Variants in DRC11 observed in about 807,000 individuals in gnomAD.
The protein encoded by DRC11 is IQ and AAA domain-containing protein 1.
chr2:236,416,915 A>T, the DRC11 span, among the ~76,000 whole-genome samples: 3 of 150,780 alleles, frequency 2.0e-5, no homozygotes, highest in Non-Finnish European at 3.0e-5. Context: ...CACCCAAAAC[A>T]ATGCCTGGCT....
the DRC11 span, among the ~76,000 whole-genome samples, chr2:236,309,443 T>G: frequency 1.3e-5 from 2 of 152,162 alleles, no homozygotes; most frequent in African/African-American, 4.8e-5. The surrounding 1 kb of genome is among the most constrained non-coding windows in gnomAD (Gnocchi z 5.7). Context: ...TCCTGTTTAC[T>G]CACAGGTGGT....
chr2:236,480,267 A>C, the DRC11 span, among the ~76,000 whole-genome samples: 7 of 151,900 alleles, frequency 4.6e-5, no homozygotes, highest in African/African-American at 1.5e-4. Flanking sequence ...CTATACTTGG[A>C]TATTTTTATC....
chr2:236,404,303 G>A, the DRC11 span, among the ~76,000 whole-genome samples: 13 of 152,062 alleles, frequency 8.5e-5, no homozygotes, highest in South Asian at 2.5e-3. Context: ...ATTGGGAGTC[G>A]TTTTTTCCTA....
At chr2:236,335,898 C>T in the DRC11 span, among the ~76,000 whole-genome samples, 27 of 149,522 alleles carry the variant, frequency 1.8e-4, no homozygotes, top group African/African-American at 5.2e-4. The surrounding 1 kb of genome is among the most constrained non-coding windows in gnomAD (Gnocchi z 5.6). Flanking sequence ...TCTCCTTTCT[C>T]GGCTGGACAG....
chr2:236,395,153 T>C, the DRC11 span, among the ~76,000 whole-genome samples: 3 of 151,946 alleles, frequency 2.0e-5, no homozygotes, highest in Non-Finnish European at 2.9e-5. Context: ...GGGGCTCAGA[T>C]GGGACTCTGA....
the DRC11 span, chr2:236,392,111 C>T: frequency 6.3e-7 from 1 of 1,589,332 alleles, no homozygotes; most frequent in Non-Finnish European, 8.6e-7. The surrounding 1 kb of genome is among the most constrained non-coding windows in gnomAD (Gnocchi z 5.1). Flanking sequence ...AGTCACTTTG[C>T]ATGTCTTGTG....
the DRC11 span, chr2:236,380,579 T>C: frequency 6.4e-6 from 10 of 1,551,500 alleles, no homozygotes; most frequent in East Asian, 2.2e-4. This position sits in a 1 kb window ranked among gnomAD's most constrained non-coding sequence, Gnocchi z 4.9. Flanking sequence ...CTGTCAGCTG[T>C]CAGATCTTTA....
chr2:236,445,514 A>AT, the DRC11 span, among the ~76,000 whole-genome samples: 1 of 145,992 alleles, frequency 6.8e-6, no homozygotes, highest in Admixed American at 6.8e-5. The surrounding 1 kb of genome is among the most constrained non-coding windows in gnomAD (Gnocchi z 4.8). Flanking sequence ...TTTTTTTTGT[A>AT]TTTTTTGTAG....
chr2:236,358,427 TATATC>T, the DRC11 span, among the ~76,000 whole-genome samples: 46 of 137,848 alleles, frequency 3.3e-4, 1 homozygote, highest in Non-Finnish European at 6.3e-4. Context: ...TATATGAATA[TATATC>T]ATATATAAAT....
At chr2:236,363,918 A>G in the DRC11 span, 2 of 1,614,012 alleles carry the variant, frequency 1.2e-6, no homozygotes, top group African/African-American at 2.7e-5. This position sits in a 1 kb window ranked among gnomAD's most constrained non-coding sequence, Gnocchi z 5.6. Flanking sequence ...TCCCTACCCC[A>G]GACGGCCCGG....
chr2:236,357,928 T>A, the DRC11 span, among the ~76,000 whole-genome samples: 1 of 86,252 alleles, frequency 1.2e-5, no homozygotes, highest in African/African-American at 4.6e-5. Flanking sequence ...CTATATAAAT[T>A]CATATATGAA....
chr2:236,331,788 C>T, the DRC11 span: 4 of 585,796 alleles, frequency 6.8e-6, no homozygotes, highest in Non-Finnish European at 6.1e-6. The surrounding 1 kb of genome is among the most constrained non-coding windows in gnomAD (Gnocchi z 4.8). Flanking sequence ...CAACCATAAG[C>T]CATACATATC....
the DRC11 span, among the ~76,000 whole-genome samples, chr2:236,443,196 G>C: frequency 6.6e-6 from 1 of 152,176 alleles, no homozygotes; most frequent in Non-Finnish European, 1.5e-5. The surrounding 1 kb of genome is among the most constrained non-coding windows in gnomAD (Gnocchi z 4.4). Flanking sequence ...ATAATTTTAA[G>C]TTGTGGGGTA....
the DRC11 span, among the ~76,000 whole-genome samples, chr2:236,380,106 C>T: frequency 6.6e-6 from 1 of 152,198 alleles, no homozygotes; most frequent in Non-Finnish European, 1.5e-5. This position sits in a 1 kb window ranked among gnomAD's most constrained non-coding sequence, Gnocchi z 4.9. Context: ...TGAATTCATT[C>T]GTCCTGCACT....
chr2:236,328,705 C>T, the DRC11 span, among the ~76,000 whole-genome samples: 1 of 152,102 alleles, frequency 6.6e-6, no homozygotes, highest in Non-Finnish European at 1.5e-5. The surrounding 1 kb of genome is among the most constrained non-coding windows in gnomAD (Gnocchi z 6.7). Context: ...GGTGAGGTGG[C>T]CATGTACTTA....
At chr2:236,381,886 C>T in the DRC11 span, among the ~76,000 whole-genome samples, 6 of 152,006 alleles carry the variant, frequency 3.9e-5, no homozygotes, top group Non-Finnish European at 8.8e-5. The surrounding 1 kb of genome is among the most constrained non-coding windows in gnomAD (Gnocchi z 5.8). Context: ...AGATCTTTGT[C>T]AGATATGTGG....
chr2:236,389,173 G>A, the DRC11 span, among the ~76,000 whole-genome samples: 14 of 152,346 alleles, frequency 9.2e-5, no homozygotes, highest in African/African-American at 2.6e-4. Flanking sequence ...GCCTCCTTGA[G>A]CTGTGGTGGG....
At chr2:236,318,097 C>G in the DRC11 span, among the ~76,000 whole-genome samples, 8 of 152,348 alleles carry the variant, frequency 5.3e-5, no homozygotes, top group South Asian at 1.7e-3. The surrounding 1 kb of genome is among the most constrained non-coding windows in gnomAD (Gnocchi z 7.0). Context: ...CCACGCCACT[C>G]TCCTTGGGTG....
chr2:236,398,958 T>C, the DRC11 span, among the ~76,000 whole-genome samples: 1 of 152,194 alleles, frequency 6.6e-6, no homozygotes, highest in African/African-American at 2.4e-5. The surrounding 1 kb of genome is among the most constrained non-coding windows in gnomAD (Gnocchi z 6.2). Flanking sequence ...ATCTTGCCTT[T>C]TAACCAATTG....
Sources: allele counts gnomAD v4.1 joint callset (sites outside exome capture counted in the v4.1 genomes callset), GRCh38; gene constraint gnomAD v4.1.1; non-coding constraint Gnocchi (gnomAD v3.1); transcripts MANE v1.5; gene names NCBI Gene and HGNC (gene_info 2026-07-23, HGNC 2026-07-21).